The following PLCZ1 variants were observed in gnomAD, a reference collection of about 807,000 sequenced individuals.
PLCZ1 encodes the protein phospholipase C zeta 1, also known as 1-phosphatidylinositol 4,5-bisphosphate phosphodiesterase zeta-1.
In PLCZ1, 64 loss-of-function variants were observed where a neutral mutation model predicts 76.8. That is an observed-to-expected ratio of 0.83 (90% CI 0.68 to 1.03). The LOEUF (loss-of-function observed/expected upper bound fraction) is 1.03. Among genes scored for constraint, PLCZ1 ranks in the 50% least tolerant of loss-of-function variants. The probability of loss-of-function intolerance (pLI) is 0.00; values close to 1 mark genes in which losing one functional copy is unlikely to be tolerated. For missense variants in PLCZ1, 751 were observed against 713.7 expected (o/e 1.05, Z -0.60); for synonymous variants, 248 against 230.8 (o/e 1.07, Z -0.68).
chr12:18,727,423 C>T (rs1312028690), intron 3 of PLCZ1, among the ~76,000 whole-genome samples: 1 of 152,000 alleles, frequency 6.6e-6, no homozygotes, highest in Non-Finnish European at 1.5e-5. Flanking sequence ...GACAATTCTT[C>T]CTGGAGGGTC....
chr12:18,730,631 C>T (rs553525078), intron 3 of PLCZ1, among the ~76,000 whole-genome samples: 6 of 152,174 alleles, frequency 3.9e-5, no homozygotes, highest in South Asian at 4.2e-4. Context: ...TGCTCATGTC[C>T]GTAATCATAC....
intron 12 of PLCZ1, among the ~76,000 whole-genome samples, chr12:18,690,002 C>T (rs1702520569): frequency 6.6e-6 from 1 of 152,146 alleles, no homozygotes; most frequent in Admixed American, 6.6e-5. Flanking sequence ...TACACCTCAA[C>T]AAGAGACTCC....
the PLCZ1 span, among the ~76,000 whole-genome samples, chr12:18,658,991 T>G: frequency 2.0e-5 from 3 of 152,190 alleles, no homozygotes; most frequent in African/African-American, 7.2e-5. Flanking sequence ...GAATAACTCA[T>G]GCTCTATGAC....
At chr12:18,652,500 G>C in the PLCZ1 span, among the ~76,000 whole-genome samples, 1 of 152,112 alleles carries the variant, frequency 6.6e-6, no homozygotes, top group East Asian at 1.9e-4. Context: ...CCAAAGCTGT[G>C]GGGGAAAAAT....
chr12:18,708,946 C>A (rs1284364908), intron 6 of PLCZ1, among the ~76,000 whole-genome samples: 1 of 151,858 alleles, frequency 6.6e-6, no homozygotes, highest in Non-Finnish European at 1.5e-5. Context: ...ATATTTTTTC[C>A]CCAATTCATA....
intron 14 of PLCZ1, chr12:18,683,741 G>A (rs1952675867): frequency 1.2e-5 from 9 of 728,586 alleles, no homozygotes; most frequent in Non-Finnish European, 1.7e-5. Context: ...AAGGGGTCAG[G>A]AAAGGATAGT....
At chr12:18,735,069 A>G (rs1959189911) in intron 3 of PLCZ1, among the ~76,000 whole-genome samples, 1 of 152,066 alleles carries the variant, frequency 6.6e-6, no homozygotes, top group Admixed American at 6.6e-5. Flanking sequence ...TGATTTCTGT[A>G]TGTTGAGCCA....
intron 10 of PLCZ1, among the ~76,000 whole-genome samples, chr12:18,699,290 A>G (rs1452261199): frequency 6.6e-6 from 1 of 152,124 alleles, no homozygotes; most frequent in Non-Finnish European, 1.5e-5. Context: ...TATTAAATCC[A>G]CAAAGTTCAT....
chr12:18,671,692 G>C, the PLCZ1 span, among the ~76,000 whole-genome samples: 44 of 152,194 alleles, frequency 2.9e-4, no homozygotes, highest in African/African-American at 8.7e-4. Context: ...GAAAGGAAAG[G>C]CTCCAGAAAA....
intron 3 of PLCZ1, among the ~76,000 whole-genome samples, chr12:18,732,050 T>A (rs1959076265): frequency 6.6e-6 from 1 of 152,330 alleles, no homozygotes; most frequent in South Asian, 2.1e-4. Flanking sequence ...ACATATTTAA[T>A]GTATACAACT....
chr12:18,715,489 C>T (rs1368317346), intron 5 of PLCZ1, among the ~76,000 whole-genome samples: 5 of 151,748 alleles, frequency 3.3e-5, no homozygotes, highest in African/African-American at 9.7e-5. Context: ...GCAAGCTCCG[C>T]CTCCCGGGTT....
intron 4 of PLCZ1, among the ~76,000 whole-genome samples, chr12:18,722,098 C>T (rs1385023470): frequency 6.6e-6 from 1 of 152,008 alleles, no homozygotes; most frequent in Non-Finnish European, 1.5e-5. Flanking sequence ...CCCATTTTGT[C>T]ATATAACTTG....
intron 3 of PLCZ1, among the ~76,000 whole-genome samples, chr12:18,727,569 C>T (rs1958823580): frequency 6.6e-6 from 1 of 152,006 alleles, no homozygotes; most frequent in Non-Finnish European, 1.5e-5. Context: ...GTACAAAGTA[C>T]AAAACAGAAG....
At chr12:18,655,230 T>G in the PLCZ1 span, among the ~76,000 whole-genome samples, 1 of 152,068 alleles carries the variant, frequency 6.6e-6, no homozygotes, top group Non-Finnish European at 1.5e-5. Flanking sequence ...CAACTGCAGC[T>G]TCAGGTAAAG....
At chr12:18,650,716 A>ATATATC in the PLCZ1 span, among the ~76,000 whole-genome samples, 2 of 4,732 alleles carry the variant, frequency 4.2e-4, no homozygotes, top group Non-Finnish European at 9.7e-4. Flanking sequence ...ATATATCTAT[A>ATATATC]TATATATATA....
the PLCZ1 span, among the ~76,000 whole-genome samples, chr12:18,663,680 G>A: frequency 6.6e-6 from 1 of 151,796 alleles, no homozygotes; most frequent in Admixed American, 6.6e-5. Context: ...TTATGATGTT[G>A]GATTTGGCAA....
At chr12:18,709,781 C>A (rs1050675910) in intron 6 of PLCZ1, among the ~76,000 whole-genome samples, 8 of 152,064 alleles carry the variant, frequency 5.3e-5, no homozygotes, top group African/African-American at 1.9e-4. Context: ...TATTTTATAT[C>A]TTCTGATTCA....
chr12:18,693,731 T>C, intron 12 of PLCZ1: 1 of 1,542,174 alleles, frequency 6.5e-7, no homozygotes, highest in South Asian at 1.1e-5. Context: ...GTTGGATGGA[T>C]TTGATTCTAG....
chr12:18,667,650 A>T, the PLCZ1 span, among the ~76,000 whole-genome samples: 2 of 152,296 alleles, frequency 1.3e-5, no homozygotes, highest in East Asian at 3.9e-4. Context: ...TTGAAGACCC[A>T]GTTTGTACAA....
Sources: allele counts gnomAD v4.1 joint callset (sites outside exome capture counted in the v4.1 genomes callset), GRCh38; gene constraint gnomAD v4.1.1; transcripts MANE v1.5; gene names NCBI Gene and HGNC (gene_info 2026-07-23, HGNC 2026-07-21).